Variants in TLK2 observed in about 807,000 individuals in gnomAD.
TLK2 encodes tousled like kinase 2, also known as serine/threonine-protein kinase tousled-like 2.
Under a neutral mutation model 117.3 loss-of-function variants are expected in TLK2, and 6 were observed. That is an observed-to-expected ratio of 0.05 (90% CI 0.03 to 0.10). TLK2 has a LOEUF of 0.10. TLK2 is among the 10% of genes least tolerant of loss of function. TLK2 has a pLI of 1.00. For missense variants in TLK2, 299 were observed against 901.2 expected, an observed-to-expected ratio of 0.33 and a Z score of 8.56; for synonymous variants, 257 against 316.7, an observed-to-expected ratio of 0.81 and a Z score of 2.00.
intron 2 of TLK2, among the ~76,000 whole-genome samples, chr17:62,493,292 A>G (rs1482230479): frequency 6.6e-6 from 1 of 152,186 alleles, no homozygotes; most frequent in African/African-American, 2.4e-5. Flanking sequence ...GTTGTAGTAT[A>G]TGTCAAAATT....
chr17:62,572,015 C>G (rs922176119), intron 11 of TLK2, among the ~76,000 whole-genome samples: 3 of 151,634 alleles, frequency 2.0e-5, no homozygotes, highest in African/African-American at 7.3e-5. Context: ...TAAAACAATA[C>G]AAAAATTAAC....
intron 2 of TLK2, among the ~76,000 whole-genome samples, chr17:62,518,147 C>A (rs1271126330): frequency 6.6e-6 from 1 of 152,122 alleles, no homozygotes; most frequent in Admixed American, 6.5e-5. Context: ...TCCTACTGTT[C>A]AAGGTCATCA....
chr17:62,606,922 T>A (rs752656674), intron 20 of TLK2, among the ~76,000 whole-genome samples: 3 of 152,082 alleles, frequency 2.0e-5, no homozygotes, highest in Non-Finnish European at 4.4e-5. Flanking sequence ...GGGAGTTCTG[T>A]GTGTCCTTTG....
At chr17:62,497,563 T>G (rs2073822216) in intron 2 of TLK2, among the ~76,000 whole-genome samples, 1 of 152,218 alleles carries the variant, frequency 6.6e-6, no homozygotes, top group African/African-American at 2.4e-5. Flanking sequence ...TAAGCAGTAC[T>G]TTATTTCTCC....
intron 2 of TLK2, among the ~76,000 whole-genome samples, chr17:62,495,675 T>TATATA (rs1347082856): frequency 2.2e-5 from 2 of 89,662 alleles, no homozygotes; most frequent in East Asian, 3.9e-4. Flanking sequence ...ATATATATAT[T>TATATA]GGAGACGGAG....
chr17:62,575,665 C>A (rs1269564418), intron 12 of TLK2, among the ~76,000 whole-genome samples: 1 of 151,814 alleles, frequency 6.6e-6, no homozygotes, highest in Non-Finnish European at 1.5e-5. Flanking sequence ...TATTTTCTTT[C>A]TTTCTGTCTT....
upstream of TLK2, among the ~76,000 whole-genome samples, chr17:62,475,673 T>C (rs1346834424): frequency 4.0e-5 from 6 of 150,932 alleles, no homozygotes; most frequent in Non-Finnish European, 8.8e-5. Flanking sequence ...ATAATTATTT[T>C]TTTTGAGACG....
chr17:62,493,909 C>G (rs972650717), intron 2 of TLK2, among the ~76,000 whole-genome samples: 1 of 152,076 alleles, frequency 6.6e-6, no homozygotes, highest in Non-Finnish European at 1.5e-5. Context: ...AGGTGCCCAC[C>G]ACCATGCCCG....
At chr17:62,497,038 A>C (rs1216536913) in intron 2 of TLK2, among the ~76,000 whole-genome samples, 4 of 151,782 alleles carry the variant, frequency 2.6e-5, no homozygotes, top group Admixed American at 2.0e-4. Context: ...CAAGAGGACC[A>C]TTGAGCCTAG....
chr17:62,578,819 A>T (rs1244967326), intron 14 of TLK2, among the ~76,000 whole-genome samples: 1 of 152,212 alleles, frequency 6.6e-6, no homozygotes, highest in Non-Finnish European at 1.5e-5. Flanking sequence ...TTTTTACATG[A>T]ATAAAGATTA....
intron 19 of TLK2, among the ~76,000 whole-genome samples, chr17:62,602,660 A>G (rs1003863059): frequency 1.3e-5 from 2 of 152,188 alleles, no homozygotes; most frequent in Non-Finnish European, 2.9e-5. Context: ...TCTATACAGG[A>G]AAAAGTGACT....
intron 7 of TLK2, among the ~76,000 whole-genome samples, chr17:62,541,678 G>A (rs1430632709): frequency 6.6e-6 from 1 of 152,096 alleles, no homozygotes; most frequent in African/African-American, 2.4e-5. Context: ...ATTTACAGGT[G>A]CAATCATAGC....
rs1392705996 is a variant in TLK2 at position 62,563,453 on chromosome 17, A to G, written c.832-1548A>G. 2.6e-5 allele frequency among the ~76,000 whole-genome samples: 4 copies of G among 152,202 alleles called. No individual in the cohort carries two copies. In the East Asian group the frequency reaches 7.7e-4, roughly 29 times the overall value. On this transcript the variant is annotated intron_variant, in intron 10 of 21. Transcript: ENST00000346027. ...GTGAGACCCTGTCTCTTAAAATAAAAAAAAAGAAAATAAATTCACTAAAAT... is the reference window on the plus strand; with the variant it reads ...GTGAGACCCTGTCTCTTAAAATAAAGAAAAAGAAAATAAATTCACTAAAAT...
At chr17:62,579,403 A>G (rs1230158572) in intron 14 of TLK2, among the ~76,000 whole-genome samples, 1 of 152,208 alleles carries the variant, frequency 6.6e-6, no homozygotes, top group African/African-American at 2.4e-5. Context: ...TTCAACTTGG[A>G]TCTTTTTCAT....
At chr17:62,598,587 C>T (rs962077792) in intron 17 of TLK2, among the ~76,000 whole-genome samples, 6 of 150,872 alleles carry the variant, frequency 4.0e-5, no homozygotes, top group East Asian at 2.0e-4. Context: ...TTCAGTGGTG[C>T]GATCTTGGCT....
At chr17:62,502,423 A>AGAT (rs2074280480) in intron 2 of TLK2, among the ~76,000 whole-genome samples, 1 of 152,224 alleles carries the variant, frequency 6.6e-6, no homozygotes, top group Non-Finnish European at 1.5e-5. Flanking sequence ...TATGAAAAAT[A>AGAT]TATAAGTAAC....
chr17:62,558,034 A>C (rs1567915604), intron 9 of TLK2, among the ~76,000 whole-genome samples: 3 of 152,168 alleles, frequency 2.0e-5, no homozygotes, highest in Non-Finnish European at 4.4e-5. Flanking sequence ...GAAGATCTAG[A>C]GGATCGACAG....
Position 62,612,655 on chromosome 17 carries a change from G to A in TLK2, c.*90G>A. On this transcript the variant is annotated 3_prime_UTR_variant, in exon 22 of 22. Transcript: ENST00000346027. ...GTTTGGAACATAGCGAATCCGAATGGATCTGATGAAACCTGTACCAGGTGC... is the reference window on the plus strand; with the variant it reads ...GTTTGGAACATAGCGAATCCGAATGAATCTGATGAAACCTGTACCAGGTGC... 1.5e-6 allele frequency: 2 copies of A among 1,339,032 alleles called. No homozygotes were observed. The highest frequency in any genetic ancestry group is 2.0e-6 in the Non-Finnish European group (2 of 978,852). 82.9% of individuals were successfully genotyped at this position (1,339,032 alleles called of 1,614,324 possible). A position where few individuals can be genotyped will look rare whatever the true frequency, so the allele number is the denominator to read the frequency against.
chr17:62,526,231 A>G (rs2076358211), intron 6 of TLK2, among the ~76,000 whole-genome samples: 1 of 152,176 alleles, frequency 6.6e-6, no homozygotes, highest in African/African-American at 2.4e-5. Flanking sequence ...GGAGGAAAAC[A>G]CATACACCAA....
Sources: gnomAD v4.1 joint callset for allele counts (sites outside exome capture counted in the v4.1 genomes callset) on GRCh38, gnomAD v4.1.1 for gene constraint, MANE v1.5 for transcripts, NCBI Gene and HGNC (gene_info 2026-07-23, HGNC 2026-07-21) for gene names.